NACC2: variants seen among roughly 807,000 people sequenced by gnomAD.
The protein encoded by NACC2 is NACC family member 2.
In NACC2, 8 loss-of-function variants were observed where a neutral mutation model predicts 25.1. The ratio of observed to expected loss-of-function variants is 0.32; its 90% CI spans 0.19 to 0.57. The LOEUF (loss-of-function observed/expected upper bound fraction) is 0.57. Among genes scored for constraint, NACC2 ranks in the 20% least tolerant of loss-of-function variants. NACC2 has a pLI of 0.89. For synonymous variants in NACC2, 435 were observed against 294.7 expected (o/e 1.48, Z -4.88); for missense variants, 644 against 650.2 (o/e 0.99, Z 0.10).
At chr9:136,061,873 A>G (rs1314967948) in intron 1 of NACC2, among the ~76,000 whole-genome samples, 1 of 152,092 alleles carries the variant, frequency 6.6e-6, no homozygotes, top group Non-Finnish European at 1.5e-5. Context: ...TAATCCCAGC[A>G]CTTTGGGAGG....
intron 2 of NACC2, among the ~76,000 whole-genome samples, chr9:136,042,627 AACAC>A (rs935171345): frequency 6.6e-6 from 1 of 152,000 alleles, no homozygotes; most frequent in Admixed American, 6.6e-5. Flanking sequence ...TTTGCAAGAA[AACAC>A]ACACAGACTC....
rs2131166660 is a variant in NACC2 at position 136,055,233 on chromosome 9, G to GA, written c.-59-4654_-59-4653insT. On this transcript the variant is annotated intron_variant, in intron 1 of 5. Coordinates refer to ENST00000277554, the MANE Select transcript of NACC2 (RefSeq NM_144653.5). This position sits in a 1 kb window ranked among gnomAD's most constrained non-coding sequence, Gnocchi z 4.9. ...GGGCTCACTGGAACTGCAGCCAGAC[G>GA]CGCACACAGGGGTTGGGGCAGCGTC... Among the ~76,000 whole-genome samples the GA allele has an allele frequency of 6.6e-6, 1 of 152,292 alleles. No homozygotes were observed. Among genetic ancestry groups the GA allele is most frequent in the Non-Finnish European group, 1.5e-5 (1 of 68,016 alleles).
intron 1 of NACC2, among the ~76,000 whole-genome samples, chr9:136,089,157 C>T (rs1479967794): frequency 1.3e-5 from 2 of 152,150 alleles, no homozygotes; most frequent in African/African-American, 4.8e-5. Flanking sequence ...GGAGAACCAG[C>T]GGGGCGGCAG....
At chr9:136,066,824 C>T (rs772182057) in intron 1 of NACC2, among the ~76,000 whole-genome samples, 4 of 151,148 alleles carry the variant, frequency 2.6e-5, no homozygotes, top group Non-Finnish European at 5.9e-5. Flanking sequence ...TGGGAGAGCA[C>T]GGATGAGCGC....
chr9:136,016,510 T>TC (rs1840206175), intron 2 of NACC2, 81 bp from the exon 3 acceptor site: 3 of 1,548,132 alleles, frequency 1.9e-6, no homozygotes, highest in Admixed American at 1.7e-5. Context: ...CCCTCCATGC[T>TC]CCCTGGGGCC....
intron 2 of NACC2, among the ~76,000 whole-genome samples, chr9:136,044,079 C>T (rs1840684331): frequency 6.6e-6 from 1 of 152,146 alleles, no homozygotes; most frequent in African/African-American, 2.4e-5. Flanking sequence ...CCCACCTCAG[C>T]CTCCCAAAGT....
chr9:136,075,477 G>C (rs992853280), intron 1 of NACC2, among the ~76,000 whole-genome samples: 4 of 152,264 alleles, frequency 2.6e-5, no homozygotes, highest in African/African-American at 9.6e-5. Context: ...GCGGCTCCGT[G>C]TGAACCTGCC....
intron 2 of NACC2, among the ~76,000 whole-genome samples, chr9:136,037,230 T>A (rs565060809): frequency 2.0e-5 from 3 of 152,272 alleles, no homozygotes; most frequent in African/African-American, 7.2e-5. Context: ...TTATATAAAG[T>A]TTTTTCTTTT....
At chr9:136,043,972 G>C (rs1335285725) in intron 2 of NACC2, among the ~76,000 whole-genome samples, 2 of 152,094 alleles carry the variant, frequency 1.3e-5, no homozygotes, top group Non-Finnish European at 2.9e-5. Flanking sequence ...CTACAAGCGT[G>C]CATCACCACA....
intron 2 of NACC2, among the ~76,000 whole-genome samples, chr9:136,037,375 C>T (rs1260048642): frequency 1.3e-5 from 2 of 151,936 alleles, no homozygotes; most frequent in African/African-American, 2.4e-5. Context: ...AGGCACACAC[C>T]ACACCTGGTT....
chr9:136,046,051 G>T (rs891309678), intron 2 of NACC2, among the ~76,000 whole-genome samples: 90 of 152,314 alleles, frequency 5.9e-4, no homozygotes, highest in African/African-American at 2.0e-3. Flanking sequence ...GGTACGCGAG[G>T]AAGAGGGCCC....
At chr9:136,044,005 A>G (rs1840683513) in intron 2 of NACC2, among the ~76,000 whole-genome samples, 3 of 152,074 alleles carry the variant, frequency 2.0e-5, no homozygotes, top group Admixed American at 2.0e-4. Context: ...TTGTATTTTC[A>G]GTAGAGAAGG....
chr9:136,074,799 C>T (rs1830241403), intron 1 of NACC2, among the ~76,000 whole-genome samples: 1 of 152,148 alleles, frequency 6.6e-6, no homozygotes, highest in African/African-American at 2.4e-5. Context: ...TCCCAGCTCA[C>T]CTGCGGGGCT....
At chr9:136,070,194 T>C (rs1319635058) in intron 1 of NACC2, among the ~76,000 whole-genome samples, 2 of 151,844 alleles carry the variant, frequency 1.3e-5, no homozygotes, top group Non-Finnish European at 2.9e-5. Context: ...AATCCATATG[T>C]CAAAGAAGAA....
In NACC2 at chr9:136,065,577, G is replaced by A. The variant is rs138543194; in HGVS notation, c.-59-14997C>T. Among the ~76,000 whole-genome samples the A allele has an allele frequency of 1.6e-3, 243 of 152,310 alleles. 2 individuals carry two copies. The highest frequency in any genetic ancestry group is 5.1e-3 in the African/African-American group (212 of 41,560). On this transcript the variant is annotated intron_variant, in intron 1 of 5. Transcript: ENST00000277554. Reference sequence around the variant, plus strand: ...AGAGGTTGTGGTGAGCCAAGATTGCGCCACTGCACTCCAGCCTGGGTGACA... The same window carrying A: ...AGAGGTTGTGGTGAGCCAAGATTGCACCACTGCACTCCAGCCTGGGTGACA...
At position 136,013,987 on chromosome 9, in the gene NACC2, A is replaced by G. The variant is rs1264990482; in HGVS notation, c.1052-18T>C. On this transcript the variant is annotated intron_variant, in intron 3 of 5. Coordinates refer to ENST00000277554, the MANE Select transcript of NACC2 (RefSeq NM_144653.5). The surrounding 1 kb of genome is among the most constrained non-coding windows in gnomAD (Gnocchi z 6.6). ...CCCAGAGCCTGCAGCCACCAAACAG[A>G]AAAAGGGCTCGTGGCCTTCCCGGGC... 2.5e-6 allele frequency: 4 copies of G among 1,604,884 alleles called. No homozygotes were observed. The highest frequency in any genetic ancestry group is 3.4e-6 in the Non-Finnish European group (4 of 1,175,542).
At chr9:136,091,312 C>T (rs570694565) in intron 1 of NACC2, among the ~76,000 whole-genome samples, 3 of 152,356 alleles carry the variant, frequency 2.0e-5, no homozygotes, top group East Asian at 1.9e-4. Context: ...TGTAGCAGGA[C>T]GGCCTCAGGG....
At chr9:136,094,472 G>GCGGGGTGCGCGGCGGGCCC (rs1318374586) in intron 1 of NACC2, among the ~76,000 whole-genome samples, 1 of 152,228 alleles carries the variant, frequency 6.6e-6, no homozygotes, top group African/African-American at 2.4e-5. Flanking sequence ...CCCTGGCCGT[G>GCGGGGTGCGCGGCGGGCCC]CGGGGTGCGC....
chr9:136,082,212 G>C (rs554680612), intron 1 of NACC2, among the ~76,000 whole-genome samples: 1 of 152,210 alleles, frequency 6.6e-6, no homozygotes, highest in South Asian at 2.1e-4. Flanking sequence ...CGTCTCCCCA[G>C]GGTCTTCACC....
Sources: gnomAD v4.1 joint callset for allele counts (sites outside exome capture counted in the v4.1 genomes callset) on GRCh38, gnomAD v4.1.1 for gene constraint, Gnocchi (gnomAD v3.1) non-coding constraint, MANE v1.5 for transcripts, NCBI Gene and HGNC (gene_info 2026-07-23, HGNC 2026-07-21) for gene names.